Variants in PDP1 observed in about 807,000 individuals in gnomAD.
PDP1 encodes the protein pyruvate dehydrogenase phosphatase catalytic subunit 1.
In PDP1, 14 loss-of-function variants were observed where a neutral mutation model predicts 37.1. That is an observed-to-expected ratio of 0.38 (90% CI 0.25 to 0.59). The LOEUF (loss-of-function observed/expected upper bound fraction) is 0.59, where lower values mean the gene tolerates loss of function less well. PDP1 is among the 20% of genes least tolerant of loss of function. PDP1 has a pLI of 0.67. For synonymous variants in PDP1, 251 were observed against 243.3 expected (o/e 1.03, Z -0.29); for missense variants, 544 against 655.3 (o/e 0.83, Z 1.85).
In PDP1 at chr8:93,922,796, A is replaced by G; in HGVS notation, c.737A>G (p.Asp246Gly). Residue 246 changes from aspartate to glycine, a missense_variant, in exon 2 of 2, where the codon GAC becomes GGC. Coordinates refer to ENST00000297598, the MANE Select transcript of PDP1 (RefSeq NM_018444.4). The surrounding 1 kb of genome is among the most constrained non-coding windows in gnomAD (Gnocchi z 4.0). ...LINAFKRLDN[D>G]ISLEAQVGDP... Reference sequence around the variant, plus strand: ...AATGCCTTCAAGAGGCTTGATAATGACATCTCCTTGGAGGCGCAAGTTGGT... The same window carrying G: ...AATGCCTTCAAGAGGCTTGATAATGGCATCTCCTTGGAGGCGCAAGTTGGT... 6.2e-7 allele frequency: 1 copy of G among 1,614,188 alleles called. No individual in the cohort carries two copies. Among genetic ancestry groups the G allele is most frequent in the Non-Finnish European group, 8.5e-7 (1 of 1,180,040 alleles).
Position 93,924,891 on chromosome 8 carries a change from AATTAT to A in PDP1, c.*1222_*1226del, listed in dbSNP as rs1376880719. ...ATCAAATGTTTGCAGCAGTCTCCAT[AATTAT>A]ATTCAGTCCCTTCTAATACTGTATC... On this transcript the variant is annotated 3_prime_UTR_variant, in exon 2 of 2. Coordinates refer to ENST00000297598, the MANE Select transcript of PDP1 (RefSeq NM_018444.4). 1 of 167,100 alleles carries A rather than the reference AATTAT, an allele frequency of 6.0e-6. No homozygotes were observed. The highest frequency in any genetic ancestry group is 2.4e-5 in the African/African-American group (1 of 41,470). 10.4% of individuals were successfully genotyped at this position (167,100 alleles called of 1,614,324 possible). A position where few individuals can be genotyped will look rare whatever the true frequency, so the allele number is the denominator to read the frequency against.
Position 93,923,896 on chromosome 8 carries a change from C to T in PDP1, c.*223C>T, listed in dbSNP as rs964247451. 7.7e-6 allele frequency: 4 copies of T among 521,930 alleles called. No homozygotes were observed. Among genetic ancestry groups the T allele is most frequent in the Non-Finnish European group, 1.4e-5 (4 of 278,258 alleles). 32.3% of individuals were successfully genotyped at this position (521,930 alleles called of 1,614,324 possible). A position where few individuals can be genotyped will look rare whatever the true frequency, so the allele number is the denominator to read the frequency against. On this transcript the variant is annotated 3_prime_UTR_variant, in exon 2 of 2. Coordinates refer to ENST00000297598, the MANE Select transcript of PDP1 (RefSeq NM_018444.4). This position sits in a 1 kb window ranked among gnomAD's most constrained non-coding sequence, Gnocchi z 4.3. ...GATTTCATGGCACCTGCACTTGAAG[C>T]AAGTCACTTCTTTATCACAGGTGTC...
Position 93,920,985 on chromosome 8 carries a change from G to A in PDP1, c.-44-1031G>A, listed in dbSNP as rs546748770. On this transcript the variant is annotated intron_variant, in intron 1 of 1. Transcript: ENST00000297598. ...GGTTTTCCTTATAGCTGCTAAGCAG[G>A]GAACATTGTTAGTAGGTAAATTAAG... 236 of 984,118 alleles carry A rather than the reference G, an allele frequency of 2.4e-4. No homozygotes were observed. The African/African-American group carries it at 4.0e-3, about 16-fold the overall frequency. 61.0% of individuals were successfully genotyped at this position (984,118 alleles called of 1,614,324 possible).
chr8:93,917,183 G>A (rs1810089869), intron 1 of PDP1, 104 bp downstream of exon 1: 1 of 394,338 alleles, frequency 2.5e-6, no homozygotes, highest in Admixed American at 3.5e-5. Flanking sequence ...GGCGGCCGCG[G>A]GCGTGCGGAG....
chr8:93,919,384 G>A (rs961906775), intron 1 of PDP1, among the ~76,000 whole-genome samples: 5 of 152,052 alleles, frequency 3.3e-5, no homozygotes, highest in Admixed American at 1.3e-4. Flanking sequence ...AGAATTAGCC[G>A]GGCAGGAGAA....
Position 93,922,003 on chromosome 8 carries a change from AT to A in PDP1, c.-44-10del, listed in dbSNP as rs1204480091. The A allele has an allele frequency of 6.4e-7, 1 of 1,554,888 alleles. No individual in the cohort carries two copies. Among genetic ancestry groups the A allele is most frequent in the Non-Finnish European group, 8.8e-7 (1 of 1,142,588 alleles). On this transcript the variant is annotated splice_polypyrimidine_tract_variant and intron_variant, in intron 1 of 1. Transcript: ENST00000297598. The surrounding 1 kb of genome is among the most constrained non-coding windows in gnomAD (Gnocchi z 4.0). ...TCTTTCCTTTGTGTACATCTGTCTAATTTGCTGTCTAGGAATCCCAGTCAGA... is the reference window on the plus strand; with the variant it reads ...TCTTTCCTTTGTGTACATCTGTCTAATTGCTGTCTAGGAATCCCAGTCAGA...
intron 1 of PDP1, among the ~76,000 whole-genome samples, chr8:93,918,318 G>T (rs1810152385): frequency 6.6e-6 from 1 of 152,202 alleles, no homozygotes; most frequent in African/African-American, 2.4e-5. Flanking sequence ...CACATTAAAT[G>T]ATTAGCATAG....
Position 93,922,800 on chromosome 8 carries a change from C to T in PDP1, c.741C>T (p.Ile247=), listed in dbSNP as rs1167569662. ...INAFKRLDND[I]SLEAQVGDPN... ...CCTTCAAGAGGCTTGATAATGACAT[C>T]TCCTTGGAGGCGCAAGTTGGTGATC... The change falls in exon 2 of 2, where the codon ATC becomes ATT. Residue 247 remains isoleucine, a synonymous_variant. Transcript: ENST00000297598. The surrounding 1 kb of genome is among the most constrained non-coding windows in gnomAD (Gnocchi z 4.0). The T allele has an allele frequency of 3.1e-6, 5 of 1,614,220 alleles. No homozygotes were observed. In the East Asian group the frequency reaches 8.9e-5, roughly 29 times the overall value.
intron 1 of PDP1, chr8:93,917,685 C>T (rs1412199691): frequency 3.3e-6 from 3 of 909,896 alleles, no homozygotes; most frequent in Non-Finnish European, 4.9e-6. Flanking sequence ...GTTTGGTTGG[C>T]TTCCTTGTTC....
chr8:93,919,144 G>T, intron 1 of PDP1: 2 of 981,016 alleles, frequency 2.0e-6, no homozygotes, highest in Non-Finnish European at 2.4e-6. Context: ...ATGTTTGAAC[G>T]TAAGTATTGT....
Position 93,923,677 on chromosome 8 carries a change from G to GTGGC in PDP1, c.*6_*9dup. The GTGGC allele has an allele frequency of 2.5e-6, 4 of 1,605,056 alleles. No homozygotes were observed. In the South Asian group the frequency reaches 4.4e-5, roughly 18 times the overall value. Reference sequence around the variant, plus strand: ...GGCGTATCAAAACCAAGAATAGTGAGTGGCTCTTTCACTGGCAATTCTCAA... The same window carrying GTGGC: ...GGCGTATCAAAACCAAGAATAGTGAGTGGCTGGCTCTTTCACTGGCAATTCTCAA... On this transcript the variant is annotated 3_prime_UTR_variant, in exon 2 of 2. Transcript: ENST00000297598. The surrounding 1 kb of genome is among the most constrained non-coding windows in gnomAD (Gnocchi z 4.3).
At chr8:93,917,763 C>T in intron 1 of PDP1, 1 of 1,544,072 alleles carries the variant, frequency 6.5e-7, no homozygotes, top group Non-Finnish European at 8.8e-7. Context: ...CGGGCTGGAG[C>T]GAGACCTCGC....
intron 1 of PDP1, chr8:93,917,915 A>G (rs1563514231): frequency 5.0e-6 from 8 of 1,613,866 alleles, no homozygotes; most frequent in East Asian, 2.2e-5. Context: ...TGACAGGAGA[A>G]TGTGTGTGTG....
At chr8:93,917,999 T>G (rs1810139314) in intron 1 of PDP1, 1 of 1,598,142 alleles carries the variant, frequency 6.3e-7, no homozygotes, top group African/African-American at 1.3e-5. Flanking sequence ...TGGTGACAGA[T>G]TTTTGTGTAT....
chr8:93,917,144 T>C, intron 1 of PDP1, 65 bp downstream of exon 1: 1 of 431,584 alleles, frequency 2.3e-6, no homozygotes. Flanking sequence ...TCCAAAGTTG[T>C]GAGGGGGCGC....
chr8:93,917,937 G>A (rs777581092), intron 1 of PDP1: 48 of 1,613,864 alleles, frequency 3.0e-5, no homozygotes, highest in Non-Finnish European at 3.9e-5. Flanking sequence ...CCCGGGCCCA[G>A]ACGAATTGGT....
At chr8:93,919,507 G>A (rs1171204166) in intron 1 of PDP1, among the ~76,000 whole-genome samples, 1 of 42,974 alleles carries the variant, frequency 2.3e-5, no homozygotes, top group African/African-American at 1.0e-4. Context: ...CCCCCCCCCC[G>A]GCAAAAAAAT....
intron 1 of PDP1, chr8:93,917,807 C>T (rs754461195): frequency 6.2e-7 from 1 of 1,601,272 alleles, no homozygotes; most frequent in African/African-American, 1.3e-5. Context: ...GCCGCCGCCT[C>T]CTCTAATGAG....
At chr8:93,917,911 G>C (rs1563514224) in intron 1 of PDP1, 3 of 1,613,896 alleles carry the variant, frequency 1.9e-6, no homozygotes, top group Non-Finnish European at 2.5e-6. Context: ...GTGATGACAG[G>C]AGAATGTGTG....
Sources: gnomAD v4.1 joint callset for allele counts (sites outside exome capture counted in the v4.1 genomes callset) on GRCh38, gnomAD v4.1.1 for gene constraint, Gnocchi (gnomAD v3.1) non-coding constraint, MANE v1.5 for transcripts, NCBI Gene and HGNC (gene_info 2026-07-23, HGNC 2026-07-21) for gene names.